LGALS9B: variants seen among roughly 807,000 people sequenced by gnomAD.
LGALS9B encodes galectin 9B.
Under a neutral mutation model 35.9 loss-of-function variants are expected in LGALS9B, and 8 were observed. The ratio of observed to expected loss-of-function variants is 0.22; its 90% CI spans 0.13 to 0.40. The LOEUF (loss-of-function observed/expected upper bound fraction) is 0.40, where lower values mean the gene tolerates loss of function less well. Ranked by LOEUF, LGALS9B falls within the 10% of genes least tolerant of loss-of-function variation. The pLI, the probability that LGALS9B is intolerant of heterozygous loss-of-function variation, is 1.00. For synonymous variants in LGALS9B, 42 were observed against 148.6 expected (o/e 0.28, Z 5.22); for missense variants, 101 against 397.9 (o/e 0.25, Z 6.35).
In LGALS9B at chr17:20,467,284, C is replaced by T. The variant is rs539486631; in HGVS notation, c.39+148G>A. 467 of 599,102 alleles carry T rather than the reference C, an allele frequency of 7.8e-4. 1 individual carries two copies. The African/African-American group carries it at 7.8e-3, about 10-fold the overall frequency. 37.1% of individuals were successfully genotyped at this position (599,102 alleles called of 1,614,324 possible). A position where few individuals can be genotyped will look rare whatever the true frequency, so the allele number is the denominator to read the frequency against. On this transcript the variant is annotated intron_variant, in intron 1 of 10. Transcript: ENST00000423676. ...TCAGCATGGCACAGCTGTGCCAGGA[C>T]GACCCCCACTGACATTTCTGCCCTG... is the stretch of plus-strand genomic sequence containing the variant.
At chr17:20,461,181 C>A (rs1452220730) in intron 1 of LGALS9B, among the ~76,000 whole-genome samples, 1 of 151,384 alleles carries the variant, frequency 6.6e-6, no homozygotes, top group Non-Finnish European at 1.5e-5. Context: ...GTGAGGCATG[C>A]ATCGTTTTGG....
At position 20,449,795 on chromosome 17, in the gene LGALS9B, C is replaced by T. The variant is rs2042634186; in HGVS notation, c.*178G>A. On this transcript the variant is annotated 3_prime_UTR_variant, in exon 11 of 11. Coordinates refer to ENST00000423676, the MANE Select transcript of LGALS9B (RefSeq NM_001367292.2). ...GGCTGAGGAAGACAATCCCAGTCAG[C>T]TGCCTTCTCAATTCCAGGGTGGCTG... 11 of 480,076 alleles carry T rather than the reference C, an allele frequency of 2.3e-5. 4 individuals are homozygous for T. Among genetic ancestry groups the T allele is most frequent in the South Asian group, 1.9e-4 (9 of 46,190 alleles). The allele number at this position is 480,076 out of a possible 1,614,324, so 29.7% of individuals were successfully genotyped here. A position where few individuals can be genotyped will look rare whatever the true frequency, so the allele number is the denominator to read the frequency against.
intron 1 of LGALS9B, among the ~76,000 whole-genome samples, chr17:20,466,983 A>G (rs1350350126): frequency 7.0e-6 from 1 of 142,984 alleles, no homozygotes; most frequent in Non-Finnish European, 1.5e-5. Context: ...GGGGGGCTCA[A>G]GTATTATTCC....
chr17:20,456,071 G>C (rs1372230825), intron 4 of LGALS9B, among the ~76,000 whole-genome samples: 1 of 150,616 alleles, frequency 6.6e-6, no homozygotes, highest in African/African-American at 2.4e-5. Flanking sequence ...ACAGACCCTG[G>C]TGTGGGCCCA....
At chr17:20,455,577 G>A (rs1451818529) in intron 4 of LGALS9B, among the ~76,000 whole-genome samples, 179 bp from the exon 5 acceptor site, 2 of 128,582 alleles carry the variant, frequency 1.6e-5, no homozygotes, top group African/African-American at 5.4e-5. Flanking sequence ...CAGCGCAGGG[G>A]GACAGTCTCC....
chr17:20,461,246 C>A (rs2142423585), intron 1 of LGALS9B, among the ~76,000 whole-genome samples: 1 of 151,032 alleles, frequency 6.6e-6, no homozygotes, highest in Admixed American at 6.6e-5. Context: ...ACCTGAGTGG[C>A]CTTGGGAAGC....
chr17:20,460,369 G>C lies in LGALS9B; in HGVS notation c.114C>G (p.Leu38=), dbSNP rs2042718120. ...ACACACACCTGGTTCCACTGGAGCT[G>C]AGAACGGCCCCATTGACAGTGATCT... The part of the protein sequence containing the change: ...GFQITVNGAV[L]SSSGTRFAVD... The change falls in exon 2 of 11, where the codon CTC becomes CTG. Residue 38 remains leucine (L), a synonymous_variant. Transcript: ENST00000423676. 6.2e-7 allele frequency: 1 copy of C among 1,601,168 alleles called. No homozygotes were observed. The highest frequency in any genetic ancestry group is 8.5e-7 in the Non-Finnish European group (1 of 1,170,714).
chr17:20,451,627 A>G lies in LGALS9B; in HGVS notation c.778T>C (p.Cys260Arg). The change falls in exon 10 of 11, where the codon TGC becomes CGC. Residue 260 changes from cysteine (C) to arginine (R), a missense_variant. Cys to Arg is a radical substitution (Grantham distance 180). Coordinates refer to ENST00000423676, the MANE Select transcript of LGALS9B (RefSeq NM_001367292.2). ...TGGAAGGCGATGTGGCTCCCAGAGC[A>G]CAGGTTGATGTGGAACCTGCGGTGG... ...PSAQRFHINL[C>R]SGSHIAFHMN... 11 of 1,599,772 alleles carry G rather than the reference A, an allele frequency of 6.9e-6. No homozygotes were observed. Among genetic ancestry groups the G allele is most frequent in the Non-Finnish European group, 9.4e-6 (11 of 1,173,292 alleles).
At chr17:20,466,141 A>T (rs929734919) in intron 1 of LGALS9B, among the ~76,000 whole-genome samples, 1 of 152,066 alleles carries the variant, frequency 6.6e-6, no homozygotes, top group Admixed American at 6.5e-5. Flanking sequence ...AAGGTGGCAT[A>T]CGCTGACTCT....
At position 20,457,461 on chromosome 17, in the gene LGALS9B, A is replaced by T. The variant is rs1258261983; in HGVS notation, c.333+722T>A. On this transcript the variant is annotated intron_variant, in intron 3 of 10. Transcript: ENST00000423676. ...AGGCCCCAGTGTGTGTTGTTTCCCC[A>T]CTTGTGTCCATGTGTTCTCATCGTT... 3.5e-5 allele frequency: 4 copies of T among 115,178 alleles called. No individual in the cohort carries two copies. In the East Asian group the frequency reaches 1.2e-3, roughly 34 times the overall value. 7.1% of individuals were successfully genotyped at this position (115,178 alleles called of 1,614,324 possible).
chr17:20,465,856 C>T (rs1454786744), intron 1 of LGALS9B, among the ~76,000 whole-genome samples: 1 of 149,620 alleles, frequency 6.7e-6, no homozygotes, highest in Non-Finnish European at 1.5e-5. Flanking sequence ...GATGGGTCAC[C>T]GAGTGAGGCT....
intron 1 of LGALS9B, among the ~76,000 whole-genome samples, chr17:20,464,759 A>G (rs1399475007): frequency 6.6e-6 from 1 of 151,590 alleles, no homozygotes; most frequent in Non-Finnish European, 1.5e-5. Flanking sequence ...CAATTCTGAC[A>G]CTGGCCAAGT....
At position 20,455,503 on chromosome 17, in the gene LGALS9B, G is replaced by C. The variant is rs537638559; in HGVS notation, c.445-105C>G. ...AGGAGGCAGAGAACAGGCAGGCAGG[G>C]GGATGCAGCAAGGGGGTTAGGGCCA... On this transcript the variant is annotated intron_variant, in intron 4 of 10. Coordinates refer to ENST00000423676, the MANE Select transcript of LGALS9B (RefSeq NM_001367292.2). The C allele has an allele frequency of 1.8e-4, 192 of 1,086,284 alleles. 20 individuals are homozygous for C. In the South Asian group the frequency reaches 2.5e-3, roughly 14 times the overall value. 67.3% of individuals were successfully genotyped at this position (1,086,284 alleles called of 1,614,324 possible). A position where few individuals can be genotyped will look rare whatever the true frequency, so the allele number is the denominator to read the frequency against.
At chr17:20,457,667 T>A (rs372722802) in intron 3 of LGALS9B, 16,651 of 139,566 alleles carry the variant, frequency 0.12, 2 homozygotes, top group African/African-American at 0.28. Context: ...TCGGGTTGCA[T>A]ACTGAATGGA....
chr17:20,465,705 G>A (rs938958758), intron 1 of LGALS9B, among the ~76,000 whole-genome samples: 1 of 118,522 alleles, frequency 8.4e-6, no homozygotes, highest in Non-Finnish European at 1.8e-5. Flanking sequence ...AAAGAGGCTG[G>A]GCTAGATGAG....
chr17:20,451,246 AACCTGCACTT>A (rs2042646148), intron 10 of LGALS9B, among the ~76,000 whole-genome samples: 1 of 144,762 alleles, frequency 6.9e-6, no homozygotes, highest in Non-Finnish European at 1.5e-5. Flanking sequence ...GCAAGCAAGT[AACCTGCACTT>A]GTGAGTTTCT....
rs750676961 is a variant in LGALS9B at position 20,453,067 on chromosome 17, T to C, written c.577A>G (p.Thr193Ala). ...SVRPANPAPITQTVIHTVQSA... is the reference protein window; with the variant it reads ...SVRPANPAPIAQTVIHTVQSA... ...TGCACCGTGTGGATGACTGTCTGGG[T>C]CTGGAAGAAAGAAACCAGGTCTCAC... Residue 193 changes from threonine to alanine, a missense_variant and splice_region_variant, in exon 7 of 11, where the codon ACC becomes GCC. Physicochemically the swap from Thr to Ala is moderately conservative, Grantham distance 58 (BLOSUM62 0). Coordinates refer to ENST00000423676, the MANE Select transcript of LGALS9B (RefSeq NM_001367292.2). The C allele has an allele frequency of 1.4e-5, 19 of 1,394,920 alleles. 2 individuals are homozygous for C. In the East Asian group the frequency reaches 4.1e-4, roughly 30 times the overall value. 86.4% of individuals were successfully genotyped at this position (1,394,920 alleles called of 1,614,324 possible).
intron 4 of LGALS9B, among the ~76,000 whole-genome samples, chr17:20,456,073 G>A (rs2042688435): frequency 6.6e-6 from 1 of 150,908 alleles, no homozygotes; most frequent in South Asian, 2.1e-4. Context: ...AGACCCTGGT[G>A]TGGGCCCAGG....
chr17:20,461,496 C>T (rs1389286840), intron 1 of LGALS9B, among the ~76,000 whole-genome samples: 1 of 150,404 alleles, frequency 6.6e-6, no homozygotes, highest in African/African-American at 2.4e-5. Context: ...GGTTCTATAA[C>T]CTGCATTAAA....
Sources: gnomAD v4.1 joint callset for allele counts (sites outside exome capture counted in the v4.1 genomes callset) on GRCh38, gnomAD v4.1.1 for gene constraint, MANE v1.5 for transcripts, NCBI Gene and HGNC (gene_info 2026-07-23, HGNC 2026-07-21) for gene names.